The following DPF3 variants were observed in gnomAD, a reference collection of about 807,000 sequenced individuals.
DPF3 encodes the protein zinc finger protein DPF3.
In DPF3, 18 loss-of-function variants were observed where a neutral mutation model predicts 56.8. The ratio of observed to expected loss-of-function variants is 0.32; its 90% CI spans 0.22 to 0.47. DPF3 has a LOEUF of 0.47. DPF3 is among the 20% of genes least tolerant of loss of function. DPF3 has a pLI of 1.00. For synonymous variants in DPF3, 188 were observed against 180.2 expected (o/e 1.04, Z -0.35); for missense variants, 403 against 488.8 (o/e 0.82, Z 1.65).
intron 8 of DPF3, among the ~76,000 whole-genome samples, chr14:72,668,836 C>T (rs1886545240): frequency 6.6e-6 from 1 of 152,030 alleles, no homozygotes; most frequent in Non-Finnish European, 1.5e-5. Context: ...AGTTGTAATC[C>T]CATGAATCCA....
chr14:72,626,203 G>A (rs1218600532), intron 9 of DPF3, among the ~76,000 whole-genome samples: 1 of 152,108 alleles, frequency 6.6e-6, no homozygotes, highest in African/African-American at 2.4e-5. Flanking sequence ...TATGATGGTT[G>A]TAAGAGTCAA....
chr14:72,830,086 C>G (rs961763868), intron 1 of DPF3, among the ~76,000 whole-genome samples: 2 of 152,180 alleles, frequency 1.3e-5, no homozygotes, highest in African/African-American at 4.8e-5. Context: ...AAAATTGGAG[C>G]GTTCAATGTG....
intron 1 of DPF3, among the ~76,000 whole-genome samples, chr14:72,891,497 A>G (rs896518904): frequency 1.3e-5 from 2 of 152,096 alleles, no homozygotes; most frequent in East Asian, 1.9e-4. Context: ...GTGTCTCTGC[A>G]CTTTGTTCTA....
At chr14:72,731,595 G>A (rs1889647689) in intron 4 of DPF3, 2 of 594,290 alleles carry the variant, frequency 3.4e-6, no homozygotes, top group African/African-American at 1.9e-5. Flanking sequence ...AGAGAGGGAA[G>A]GGAACCGAGG....
chr14:72,685,584 T>A (rs1887373470), intron 7 of DPF3, among the ~76,000 whole-genome samples: 2 of 152,336 alleles, frequency 1.3e-5, no homozygotes, highest in Admixed American at 6.5e-5. Context: ...ACATGACTCA[T>A]GAATTCACAT....
intron 1 of DPF3, among the ~76,000 whole-genome samples, chr14:72,837,118 G>A (rs1288294871): frequency 1.3e-5 from 2 of 151,882 alleles, no homozygotes; most frequent in South Asian, 2.1e-4. Context: ...TGATCCACCC[G>A]TCTCGGCCAC....
chr14:72,680,056 C>A (rs1567198376), intron 7 of DPF3, among the ~76,000 whole-genome samples: 2 of 151,844 alleles, frequency 1.3e-5, no homozygotes, highest in South Asian at 2.1e-4. Flanking sequence ...AGACAAGGCG[C>A]CTGCGAGGAG....
At chr14:72,872,975 G>A (rs1885962086) in intron 1 of DPF3, among the ~76,000 whole-genome samples, 1 of 152,176 alleles carries the variant, frequency 6.6e-6, no homozygotes, top group African/African-American at 2.4e-5. Context: ...AACCCTAGAA[G>A]AAAACCTAGG....
chr14:72,658,759 T>C (rs1292337921), intron 8 of DPF3, among the ~76,000 whole-genome samples: 1 of 152,066 alleles, frequency 6.6e-6, no homozygotes, highest in Admixed American at 6.5e-5. Flanking sequence ...GAGGCATCCA[T>C]AGATTAAGGC....
At chr14:72,759,965 T>C (rs866813554) in intron 2 of DPF3, among the ~76,000 whole-genome samples, 86 of 152,128 alleles carry the variant, frequency 5.7e-4, no homozygotes, top group African/African-American at 2.0e-3. Context: ...GTTTCAGATA[T>C]ACAAAAGCTG....
chr14:72,729,294 G>A (rs1490791906), intron 4 of DPF3, among the ~76,000 whole-genome samples: 2 of 152,094 alleles, frequency 1.3e-5, no homozygotes, highest in Non-Finnish European at 2.9e-5. Context: ...ATTAAAAAAT[G>A]AAGAAGGTGA....
chr14:72,771,768 C>A lies in DPF3; in HGVS notation c.158G>T (p.Cys53Phe). The A allele has an allele frequency of 6.2e-7, 1 of 1,613,502 alleles. No homozygotes were observed. The highest frequency in any genetic ancestry group is 8.5e-7 in the Non-Finnish European group (1 of 1,179,638). The change falls in exon 2 of 11, where the codon TGC becomes TTC. Residue 53 changes from cysteine to phenylalanine, a missense_variant. Physicochemically the swap from Cys to Phe is radical, Grantham distance 205 (BLOSUM62 -2). Around this residue, in one of 2 missense-constraint regions of DPF3, gnomAD observed 340 missense variants for 374.3 expected, o/e 0.91. Transcript: ENST00000556509. ...DSQTGVAQNN[C>F]YIWMEKRHRG... ...GTGCCTCTTCTCCATCCAGATGTAG[C>A]AGTTGTTCTGGGCCACCCCAGTCTG...
intron 1 of DPF3, among the ~76,000 whole-genome samples, chr14:72,791,161 GC>G (rs1222527761): frequency 6.6e-6 from 1 of 151,968 alleles, no homozygotes; most frequent in Non-Finnish European, 1.5e-5. Context: ...TGCTGCACTA[GC>G]CCCCCACCAT....
At chr14:72,875,736 C>A (rs1886087661) in intron 1 of DPF3, among the ~76,000 whole-genome samples, 1 of 151,414 alleles carries the variant, frequency 6.6e-6, no homozygotes, top group African/African-American at 2.4e-5. Flanking sequence ...TAACCCCCAG[C>A]CTCCCCGTGA....
Position 72,609,684 on chromosome 14 carries a change from T to C in DPF3, c.*9613A>G, listed in dbSNP as rs1310763747. On this transcript the variant is annotated 3_prime_UTR_variant, in exon 11 of 11. Coordinates refer to ENST00000556509, the MANE Select transcript of DPF3 (RefSeq NM_001280542.3). ...CACACCTACAGAGACCGCAACCACA[T>C]CACAGTGAAGGAGGAGGACAGCTAA... 1.3e-5 allele frequency among the ~76,000 whole-genome samples: 2 copies of C among 152,218 alleles called. No homozygotes were observed. The highest frequency in any genetic ancestry group is 3.9e-4 in the East Asian group (2 of 5,168).
intron 8 of DPF3, among the ~76,000 whole-genome samples, chr14:72,650,075 G>A (rs972426723): frequency 1.3e-5 from 2 of 152,122 alleles, no homozygotes; most frequent in Non-Finnish European, 2.9e-5. Context: ...ATCCCCACCT[G>A]TGCTAAAGTC....
At chr14:72,704,459 C>T (rs1465758372) in intron 6 of DPF3, among the ~76,000 whole-genome samples, 3 of 152,178 alleles carry the variant, frequency 2.0e-5, no homozygotes, top group African/African-American at 4.8e-5. Context: ...GCCAGGACAT[C>T]AGTGCGGCCT....
intron 6 of DPF3, among the ~76,000 whole-genome samples, chr14:72,695,831 A>AACAAACAAACAAAC (rs1887878140): frequency 1.3e-5 from 2 of 152,178 alleles, no homozygotes; most frequent in African/African-American, 4.8e-5. Context: ...ACCTGAATCT[A>AACAAACAAACAAAC]AAAAAATAAA....
At chr14:72,674,539 T>G (rs1284718655) in intron 7 of DPF3, among the ~76,000 whole-genome samples, 171 bp from the exon 8 acceptor site, 1 of 152,220 alleles carries the variant, frequency 6.6e-6, no homozygotes, top group African/African-American at 2.4e-5. Context: ...GGTTTAATGG[T>G]ACTAATAATA....
Sources: allele counts gnomAD v4.1 joint callset (sites outside exome capture counted in the v4.1 genomes callset), GRCh38; gene constraint gnomAD v4.1.1; regional missense constraint gnomAD v4.1.1; transcripts MANE v1.5; gene names NCBI Gene and HGNC (gene_info 2026-07-23, HGNC 2026-07-21).